The following TBC1D22A variants were observed in gnomAD, a reference collection of about 807,000 sequenced individuals.
TBC1D22A encodes the protein putative GTPase activator.
In TBC1D22A, 38 loss-of-function variants were observed where a neutral mutation model predicts 60.2. The ratio of observed to expected loss-of-function variants is 0.63; its 90% CI spans 0.49 to 0.83. The LOEUF (loss-of-function observed/expected upper bound fraction) is 0.83, where lower values mean the gene tolerates loss of function less well. Ranked by LOEUF, TBC1D22A falls within the 40% of genes least tolerant of loss-of-function variation. The pLI is 0.00. For missense variants in TBC1D22A, 628 were observed against 701.0 expected (o/e 0.90, Z 1.18); for synonymous variants, 302 against 281.7 (o/e 1.07, Z -0.72).
chr22:46,922,494 T>C (rs2070814582), intron 8 of TBC1D22A, among the ~76,000 whole-genome samples: 2 of 152,244 alleles, frequency 1.3e-5, no homozygotes, highest in African/African-American at 4.8e-5. Flanking sequence ...TTAATAGGAA[T>C]AGCACTGAGT....
intron 7 of TBC1D22A, among the ~76,000 whole-genome samples, chr22:46,900,577 C>G (rs919428741): frequency 3.3e-5 from 5 of 152,208 alleles, no homozygotes; most frequent in Admixed American, 6.5e-5. Context: ...TTGACAACTG[C>G]TGATCTTCTT....
At chr22:47,135,243 A>T (rs751682045) in intron 12 of TBC1D22A, among the ~76,000 whole-genome samples, 1 of 152,088 alleles carries the variant, frequency 6.6e-6, no homozygotes, top group Non-Finnish European at 1.5e-5. Context: ...GCTTCCCGTC[A>T]TCCCAGTTAA....
At chr22:47,042,178 C>T (rs958192629) in intron 11 of TBC1D22A, among the ~76,000 whole-genome samples, 33 of 152,366 alleles carry the variant, frequency 2.2e-4, no homozygotes, top group African/African-American at 7.2e-4. Flanking sequence ...ATTTCTGCCC[C>T]CCCCATGAGG....
chr22:47,158,477 C>T (rs141327880), intron 12 of TBC1D22A, among the ~76,000 whole-genome samples: 2 of 152,138 alleles, frequency 1.3e-5, no homozygotes, highest in South Asian at 2.1e-4. Context: ...CAGTTCCCCC[C>T]CCAATCTGAA....
At chr22:47,151,916 G>GGGA (rs2067519378) in intron 12 of TBC1D22A, among the ~76,000 whole-genome samples, 1 of 152,208 alleles carries the variant, frequency 6.6e-6, no homozygotes, top group African/African-American at 2.4e-5. Flanking sequence ...GGCCAGCAAT[G>GGGA]TCACCTCTGG....
intron 10 of TBC1D22A, among the ~76,000 whole-genome samples, chr22:47,005,176 C>G (rs1020430706): frequency 6.6e-5 from 10 of 151,762 alleles, no homozygotes; most frequent in African/African-American, 2.4e-4. Context: ...CCACTATACA[C>G]ACGTGCCTAT....
chr22:46,941,778 GGAATATATATA>G (rs2072148829), intron 8 of TBC1D22A, among the ~76,000 whole-genome samples: 1 of 126,202 alleles, frequency 7.9e-6, no homozygotes, highest in Non-Finnish European at 1.7e-5. Context: ...ATATGTATAC[GGAATATATATA>G]GAATATATAG....
intron 4 of TBC1D22A, among the ~76,000 whole-genome samples, chr22:46,845,863 G>A (rs1330512612): frequency 1.3e-5 from 2 of 152,194 alleles, no homozygotes; most frequent in African/African-American, 4.8e-5. Flanking sequence ...CCTGCTTTGC[G>A]TTGGGTCGCC....
intron 12 of TBC1D22A, among the ~76,000 whole-genome samples, chr22:47,139,451 T>C (rs1299661169): frequency 1.3e-5 from 2 of 152,180 alleles, no homozygotes; most frequent in Non-Finnish European, 2.9e-5. Flanking sequence ...GGGGTCTGCA[T>C]TGTCAGGGGC....
chr22:47,080,338 G>C (rs149244690), intron 11 of TBC1D22A, among the ~76,000 whole-genome samples: 1 of 152,152 alleles, frequency 6.6e-6, no homozygotes, highest in Non-Finnish European at 1.5e-5. Context: ...TTCTTTGCAA[G>C]TACTCAGTAA....
intron 11 of TBC1D22A, among the ~76,000 whole-genome samples, chr22:47,046,270 C>G (rs2063030075): frequency 6.6e-6 from 1 of 152,194 alleles, no homozygotes; most frequent in African/African-American, 2.4e-5. Context: ...GGAGTGGTCC[C>G]TGCACCCCAC....
At chr22:47,107,067 A>G (rs1407676950) in intron 11 of TBC1D22A, among the ~76,000 whole-genome samples, 1 of 152,218 alleles carries the variant, frequency 6.6e-6, no homozygotes, top group Admixed American at 6.5e-5. Context: ...AATTTTTTGT[A>G]CTGTTTGGGA....
intron 12 of TBC1D22A, among the ~76,000 whole-genome samples, chr22:47,165,924 C>T (rs1406547394): frequency 3.9e-5 from 6 of 152,244 alleles, no homozygotes; most frequent in Admixed American, 3.9e-4. Flanking sequence ...CCAATTAACC[C>T]TGCTCCCCGC....
At chr22:46,797,078 C>T (rs1020287353) in intron 3 of TBC1D22A, among the ~76,000 whole-genome samples, 3 of 152,162 alleles carry the variant, frequency 2.0e-5, no homozygotes, top group Non-Finnish European at 2.9e-5. Context: ...CTGGCTGACC[C>T]GAGGGCACCG....
At chr22:46,802,900 G>A (rs1023278083) in intron 4 of TBC1D22A, among the ~76,000 whole-genome samples, 2 of 152,148 alleles carry the variant, frequency 1.3e-5, no homozygotes, top group African/African-American at 2.4e-5. Context: ...CTGGAGCTGG[G>A]TAGACTGGCG....
At chr22:46,852,711 G>C (rs1392295422) in intron 4 of TBC1D22A, among the ~76,000 whole-genome samples, 1 of 152,022 alleles carries the variant, frequency 6.6e-6, no homozygotes, top group Non-Finnish European at 1.5e-5. Flanking sequence ...TGAATCTATT[G>C]ACTCCTGTCT....
At chr22:46,792,235 C>T (rs188102460) in intron 1 of TBC1D22A, among the ~76,000 whole-genome samples, 82 of 151,072 alleles carry the variant, frequency 5.4e-4, no homozygotes, top group Non-Finnish European at 1.0e-4. Context: ...TGTAGATGCC[C>T]GAGGGTCTGT....
At chr22:47,076,380 TACACACACACACACACACACAC>T (rs1183466938) in intron 11 of TBC1D22A, among the ~76,000 whole-genome samples, 17 of 124,412 alleles carry the variant, frequency 1.4e-4, no homozygotes, top group East Asian at 8.9e-4. Context: ...TATATATATA[TACACACACACACACACACACAC>T]ACACACATAT....
chr22:46,997,765 C>T, intron 10 of TBC1D22A, 56 bp downstream of exon 10: 1 of 1,532,622 alleles, frequency 6.5e-7, no homozygotes, highest in Non-Finnish European at 9.0e-7. Context: ...TGGCCCTCAG[C>T]CCTCGGTGGG....
Sources: allele counts gnomAD v4.1 joint callset (sites outside exome capture counted in the v4.1 genomes callset), GRCh38; gene constraint gnomAD v4.1.1; transcripts MANE v1.5; gene names NCBI Gene and HGNC (gene_info 2026-07-23, HGNC 2026-07-21).